The following GFOD1 variants were observed in gnomAD, a reference collection of about 807,000 sequenced individuals.
GFOD1 encodes the protein glucose-fructose oxidoreductase domain-containing protein 1.
Under a neutral mutation model 25.4 loss-of-function variants are expected in GFOD1, and 9 were observed. That is an observed-to-expected ratio of 0.35 (90% confidence interval 0.21 to 0.62). GFOD1 has a LOEUF of 0.62. Among genes scored for constraint, GFOD1 ranks in the 20% least tolerant of loss-of-function variants. The pLI is 0.72. For synonymous variants in GFOD1, 253 were observed against 245.6 expected (o/e 1.03, Z -0.28); for missense variants, 403 against 556.9 (o/e 0.72, Z 2.78).
intron 1 of GFOD1, among the ~76,000 whole-genome samples, chr6:13,391,661 A>G (rs957500375): frequency 6.6e-6 from 1 of 152,228 alleles, no homozygotes; most frequent in African/African-American, 2.4e-5. Context: ...ATATTGGGAA[A>G]GGATGCCAGC....
At chr6:13,467,380 G>C (rs774620248) in intron 1 of GFOD1, among the ~76,000 whole-genome samples, 1 of 152,126 alleles carries the variant, frequency 6.6e-6, no homozygotes, top group Non-Finnish European at 1.5e-5. Context: ...TAATTAGTAT[G>C]GTGTCAGGAC....
chr6:13,428,740 A>T (rs569059574), intron 1 of GFOD1, among the ~76,000 whole-genome samples: 1 of 152,106 alleles, frequency 6.6e-6, no homozygotes, highest in East Asian at 1.9e-4. Flanking sequence ...GATCATCTGT[A>T]CTTCTGCGGC....
At chr6:13,464,114 C>G (rs1248970132) in intron 1 of GFOD1, among the ~76,000 whole-genome samples, 1 of 152,350 alleles carries the variant, frequency 6.6e-6, no homozygotes, top group Admixed American at 6.5e-5. Context: ...TCATTTTCCC[C>G]TTTCCCAAAT....
At chr6:13,428,480 C>T (rs910203647) in intron 1 of GFOD1, among the ~76,000 whole-genome samples, 1 of 146,946 alleles carries the variant, frequency 6.8e-6, no homozygotes, top group African/African-American at 2.5e-5. Context: ...TTCCATTTTC[C>T]ATCACCTTCT....
chr6:13,440,653 A>G (rs1381277802), intron 1 of GFOD1, among the ~76,000 whole-genome samples: 2 of 152,222 alleles, frequency 1.3e-5, no homozygotes, highest in African/African-American at 4.8e-5. Context: ...GTCTCCTGGC[A>G]GCAATTTTGC....
At chr6:13,373,717 T>C (rs981896475) in intron 1 of GFOD1, among the ~76,000 whole-genome samples, 17 of 148,500 alleles carry the variant, frequency 1.1e-4, no homozygotes, top group Non-Finnish European at 2.4e-4. Context: ...TTTTTCTTCC[T>C]GCTAATCTCC....
intron 1 of GFOD1, among the ~76,000 whole-genome samples, chr6:13,429,848 C>A (rs1757718493): frequency 6.6e-6 from 1 of 151,988 alleles, no homozygotes; most frequent in South Asian, 2.1e-4. Flanking sequence ...CATTATTATA[C>A]AAATATGCTA....
intron 1 of GFOD1, among the ~76,000 whole-genome samples, chr6:13,480,501 C>T (rs1338929604): frequency 6.6e-6 from 1 of 152,170 alleles, no homozygotes; most frequent in African/African-American, 2.4e-5. Context: ...AATCTCAGGT[C>T]CCACCCAGGA....
chr6:13,407,102 T>C (rs906253096), intron 1 of GFOD1, among the ~76,000 whole-genome samples: 1 of 152,166 alleles, frequency 6.6e-6, no homozygotes, highest in Non-Finnish European at 1.5e-5. Context: ...CATAAGGCTA[T>C]ATTGGGCCAT....
At chr6:13,438,164 C>T (rs1016301573) in intron 1 of GFOD1, among the ~76,000 whole-genome samples, 2 of 152,194 alleles carry the variant, frequency 1.3e-5, no homozygotes, top group Non-Finnish European at 2.9e-5. Context: ...ATTTGAGCCT[C>T]CTCTTCCATT....
chr6:13,469,915 T>C, intron 1 of GFOD1: 1 of 1,300,536 alleles, frequency 7.7e-7, no homozygotes, highest in Non-Finnish European at 1.0e-6. Flanking sequence ...CTCCATAGAA[T>C]GCTAGTTTCT....
At position 13,360,624 on chromosome 6, in the gene GFOD1, A is replaced by T. The variant is rs1255040343; in HGVS notation, c.*4119T>A. ...AAAATGAACATAGGAAGTCAATTTT[A>T]AAAAAGGCTGAGTGATATTTCCATT... On this transcript the variant is annotated 3_prime_UTR_variant, in exon 2 of 2. Transcript: ENST00000379287. 1.1e-5 allele frequency: 5 copies of T among 440,308 alleles called. No homozygotes were observed. The highest frequency in any genetic ancestry group is 2.3e-5 in the Non-Finnish European group (5 of 214,400). The allele number at this position is 440,308 out of a possible 1,614,324, so 27.3% of individuals were successfully genotyped here. A position where few individuals can be genotyped will look rare whatever the true frequency, so the allele number is the denominator to read the frequency against.
chr6:13,422,917 G>C (rs912298806), intron 1 of GFOD1, among the ~76,000 whole-genome samples: 1 of 152,180 alleles, frequency 6.6e-6, no homozygotes, highest in Non-Finnish European at 1.5e-5. Flanking sequence ...GTGACTAGCA[G>C]GTTCACCCAA....
At chr6:13,485,968 TA>T in intron 1 of GFOD1, 1 of 947,932 alleles carries the variant, frequency 1.1e-6, no homozygotes, top group Non-Finnish European at 1.3e-6. Flanking sequence ...GAAAACATTC[TA>T]ATACATCATC....
At chr6:13,381,912 C>T (rs1177115867) in intron 1 of GFOD1, among the ~76,000 whole-genome samples, 9 of 92,052 alleles carry the variant, frequency 9.8e-5, no homozygotes, top group East Asian at 5.3e-4. Context: ...CACACGCGCG[C>T]GCGCACACAC....
Position 13,365,729 on chromosome 6 carries a change from G to C in GFOD1, c.254-67C>G, listed in dbSNP as rs1004438735. On this transcript the variant is annotated intron_variant, in intron 1 of 1. Coordinates refer to ENST00000379287, the MANE Select transcript of GFOD1 (RefSeq NM_018988.4). This position sits in a 1 kb window ranked among gnomAD's most constrained non-coding sequence, Gnocchi z 9.2. ...TGTCCGAGCGCGCGTCCCTGGGTCA[G>C]ATCTTAAAATATTTCACATTAATAG... is the stretch of plus-strand genomic sequence containing the variant. 13 of 1,116,988 alleles carry C rather than the reference G, an allele frequency of 1.2e-5. No homozygotes were observed. Among genetic ancestry groups the C allele is most frequent in the Non-Finnish European group, 1.7e-5 (13 of 767,538 alleles). The allele number at this position is 1,116,988 out of a possible 1,614,324, so 69.2% of individuals were successfully genotyped here.
chr6:13,410,413 C>A (rs866323414), intron 1 of GFOD1, among the ~76,000 whole-genome samples: 129 of 152,084 alleles, frequency 8.5e-4, no homozygotes, highest in African/African-American at 2.8e-3. Context: ...ACTAAAAATA[C>A]AAAATTAGCT....
intron 1 of GFOD1, among the ~76,000 whole-genome samples, chr6:13,436,889 A>C (rs988671772): frequency 6.6e-6 from 1 of 152,210 alleles, no homozygotes; most frequent in Admixed American, 6.5e-5. Context: ...ACATTCTATC[A>C]AAGGCACTGT....
intron 1 of GFOD1, among the ~76,000 whole-genome samples, chr6:13,449,675 T>C (rs954647121): frequency 2.6e-5 from 4 of 152,158 alleles, no homozygotes; most frequent in Non-Finnish European, 5.9e-5. Context: ...CCTCACAAGA[T>C]CTGATAGTTT....
Sources: allele counts gnomAD v4.1 joint callset (sites outside exome capture counted in the v4.1 genomes callset), GRCh38; gene constraint gnomAD v4.1.1; non-coding constraint Gnocchi (gnomAD v3.1); transcripts MANE v1.5; gene names NCBI Gene and HGNC (gene_info 2026-07-23, HGNC 2026-07-21).